Variants in SLC4A8 observed in about 807,000 individuals in gnomAD.
The protein encoded by SLC4A8 is solute carrier family 4 member 8, also known as electroneutral sodium bicarbonate exchanger 1.
Under a neutral mutation model 125.0 loss-of-function variants are expected in SLC4A8, and 40 were observed. That is an observed-to-expected ratio of 0.32 (90% CI 0.25 to 0.42). SLC4A8 has a LOEUF of 0.42. Among genes scored for constraint, SLC4A8 ranks in the 10% least tolerant of loss-of-function variants. SLC4A8 has a pLI of 1.00. For synonymous variants in SLC4A8, 456 were observed against 476.0 expected (o/e 0.96, Z 0.55); for missense variants, 863 against 1,355.1 (o/e 0.64, Z 5.70).
intron 1 of SLC4A8, among the ~76,000 whole-genome samples, chr12:51,407,278 A>T (rs1201183800): frequency 6.6e-6 from 1 of 152,050 alleles, no homozygotes; most frequent in Non-Finnish European, 1.5e-5. Context: ...CGTTTTTTAG[A>T]GATGAAGTTT....
rs1269320306 is a variant in SLC4A8, at chr12:51,463,799, A to C, written c.1349+85A>C. 3.3e-6 allele frequency: 3 copies of C among 907,690 alleles called. No individual in the cohort carries two copies. In the South Asian group the frequency reaches 4.7e-5, roughly 14 times the overall value. 56.2% of individuals were successfully genotyped at this position (907,690 alleles called of 1,614,324 possible). A position where few individuals can be genotyped will look rare whatever the true frequency, so the allele number is the denominator to read the frequency against. ...TGAGGCATCTTCTTTCTTTCAGCCT[A>C]CTTCTCTGTGGTGGGAATTTATTGG... On this transcript the variant is annotated intron_variant, in intron 11 of 24. Coordinates refer to ENST00000453097, the MANE Select transcript of SLC4A8 (RefSeq NM_001039960.3).
At chr12:51,418,695 G>T (rs551268952) in intron 1 of SLC4A8, among the ~76,000 whole-genome samples, 14 of 152,224 alleles carry the variant, frequency 9.2e-5, no homozygotes, top group Admixed American at 1.3e-4. Flanking sequence ...AAATAAATTC[G>T]CATTCTATCT....
chr12:51,447,056 G>GTCTGTCTA (rs1949793767), intron 2 of SLC4A8, among the ~76,000 whole-genome samples: 8 of 147,434 alleles, frequency 5.4e-5, no homozygotes, highest in East Asian at 4.1e-4. Flanking sequence ...CTGTCTGTCT[G>GTCTGTCTA]TCTATCTATC....
chr12:51,454,626 A>C, intron 5 of SLC4A8, among the ~76,000 whole-genome samples: 1 of 75,198 alleles, frequency 1.3e-5, no homozygotes, highest in East Asian at 3.2e-4. Context: ...AAACATCTCA[A>C]TGCTTTACAA....
intron 20 of SLC4A8, among the ~76,000 whole-genome samples, chr12:51,494,125 T>C (rs952618102): frequency 2.6e-5 from 4 of 152,214 alleles, no homozygotes; most frequent in Non-Finnish European, 5.9e-5. Context: ...CTTTCACTCA[T>C]GGACAGATCT....
intron 14 of SLC4A8, among the ~76,000 whole-genome samples, chr12:51,472,918 A>C (rs1405568720): frequency 6.6e-6 from 1 of 152,206 alleles, no homozygotes; most frequent in Non-Finnish European, 1.5e-5. Flanking sequence ...TTTTAGGTTC[A>C]CAGCAAAGTT....
intron 1 of SLC4A8, among the ~76,000 whole-genome samples, chr12:51,416,614 G>T (rs141749956): frequency 6.6e-6 from 1 of 152,250 alleles, no homozygotes; most frequent in African/African-American, 2.4e-5. Context: ...CTGCACTCCA[G>T]CCTGAGTGAC....
chr12:51,497,407 C>G (rs1951491553), intron 22 of SLC4A8: 2 of 288,226 alleles, frequency 6.9e-6, no homozygotes, highest in Non-Finnish European at 1.3e-5. Context: ...TTAGCAGATT[C>G]AATGGCTCAC....
At chr12:51,443,904 T>C (rs186744457) in intron 2 of SLC4A8, among the ~76,000 whole-genome samples, 11 of 152,326 alleles carry the variant, frequency 7.2e-5, no homozygotes, top group African/African-American at 2.6e-4. Flanking sequence ...ATGGTTCCTG[T>C]CCTGCTTCAC....
At chr12:51,463,276 G>A (rs1440342786) in intron 10 of SLC4A8, among the ~76,000 whole-genome samples, 1 of 152,104 alleles carries the variant, frequency 6.6e-6, no homozygotes, top group Admixed American at 6.5e-5. Flanking sequence ...AGATTTTAAG[G>A]TAAAGTAAGA....
At chr12:51,494,696 A>G (rs374675295) in intron 20 of SLC4A8, 71 of 365,792 alleles carry the variant, frequency 1.9e-4, no homozygotes, top group African/African-American at 1.0e-3. Flanking sequence ...CTCTTAGGAG[A>G]CACAGTGTGG....
intron 22 of SLC4A8, 23 bp from the exon 23 acceptor site, chr12:51,504,006 A>C (rs1190755898): frequency 1.4e-6 from 2 of 1,405,528 alleles, no homozygotes; most frequent in East Asian, 2.4e-5. Context: ...TCCAAGATAT[A>C]ATAATGTTTC....
intron 1 of SLC4A8, among the ~76,000 whole-genome samples, chr12:51,411,759 G>A (rs1339253413): frequency 6.6e-6 from 1 of 152,126 alleles, no homozygotes; most frequent in Non-Finnish European, 1.5e-5. Context: ...AGCTGCTTAA[G>A]TGTTTAAGAA....
At chr12:51,417,580 C>T (rs191854066) in intron 1 of SLC4A8, among the ~76,000 whole-genome samples, 5,513 of 147,840 alleles carry the variant, frequency 0.037, 157 homozygotes, top group Non-Finnish European at 0.054. Flanking sequence ...TGCAGTGGGG[C>T]GATCTTGGCT....
Position 51,474,447 on chromosome 12 carries a change from T to G in SLC4A8, c.2010T>G (p.Ser670Arg). ...AEVHWANLTV[S>R]ECQEMHGEFM... Reference sequence around the variant, plus strand: ...TCCACTGGGCTAACCTGACTGTCAGTGTAAGTCTGGGAGCTGCCAGATGTC... The same window carrying G: ...TCCACTGGGCTAACCTGACTGTCAGGGTAAGTCTGGGAGCTGCCAGATGTC... The change falls in exon 15 of 25, where the codon AGT (serine) becomes AGG (arginine). Residue 670 changes from serine (S) to arginine (R), a missense_variant and splice_region_variant. This residue lies in a region of SLC4A8 where 76 missense variants were observed against 80.2 expected (regional missense o/e 0.95). Transcript: ENST00000453097. 1 of 1,612,964 alleles carries G rather than the reference T, an allele frequency of 6.2e-7. No homozygotes were observed. Among genetic ancestry groups the G allele is most frequent in the Non-Finnish European group, 8.5e-7 (1 of 1,179,230 alleles).
At chr12:51,480,992 C>G (rs1010484789) in intron 16 of SLC4A8, among the ~76,000 whole-genome samples, 4 of 152,098 alleles carry the variant, frequency 2.6e-5, no homozygotes, top group African/African-American at 9.7e-5. Flanking sequence ...TGTGATAGGG[C>G]CAAGTTGCTT....
intron 1 of SLC4A8, among the ~76,000 whole-genome samples, chr12:51,394,521 G>A (rs371876494): frequency 1.1e-4 from 16 of 152,242 alleles, no homozygotes; most frequent in Middle Eastern, 3.4e-3. Flanking sequence ...GGCAACTTTC[G>A]AAAAATGGTT....
At chr12:51,450,182 G>C (rs1949918259) in intron 2 of SLC4A8, among the ~76,000 whole-genome samples, 3 of 151,832 alleles carry the variant, frequency 2.0e-5, no homozygotes, top group African/African-American at 7.3e-5. Flanking sequence ...GTCTCTTTTA[G>C]TACTGTTCTA....
intron 1 of SLC4A8, among the ~76,000 whole-genome samples, chr12:51,414,671 TC>T (rs1339086622): frequency 2.0e-5 from 3 of 152,172 alleles, no homozygotes; most frequent in Admixed American, 1.3e-4. Context: ...CACTGTACTC[TC>T]ACCTGAGTGA....
Sources: gnomAD v4.1 joint callset for allele counts (sites outside exome capture counted in the v4.1 genomes callset) on GRCh38, gnomAD v4.1.1 for gene constraint, gnomAD v4.1.1 regional missense constraint, MANE v1.5 for transcripts, NCBI Gene and HGNC (gene_info 2026-07-23, HGNC 2026-07-21) for gene names.